TTC39A: variants seen among roughly 807,000 people sequenced by gnomAD.
The protein encoded by TTC39A is tetratricopeptide repeat protein 39A.
TTC39A carries 46 observed loss-of-function variants against 82.3 expected under a neutral mutation model. That is an observed-to-expected ratio of 0.56 (90% CI 0.44 to 0.71). The LOEUF is 0.71. Among genes scored for constraint, TTC39A ranks in the 30% least tolerant of loss-of-function variants. The pLI, the probability that TTC39A is intolerant of heterozygous loss-of-function variation, is 0.00. For missense variants in TTC39A, 543 were observed against 712.9 expected (o/e 0.76, Z 2.71); for synonymous variants, 254 against 275.2 (o/e 0.92, Z 0.76).
intron 11 of TTC39A, 91 bp downstream of exon 11, chr1:51,302,258 GTCTATCCT>G: frequency 2.9e-6 from 2 of 683,314 alleles, no homozygotes; most frequent in Admixed American, 2.5e-5. Context: ...CCCGCCCCCA[GTCTATCCT>G]GTCCCTGAGT....
chr1:51,329,095 G>A (rs2148306709), intron 1 of TTC39A, among the ~76,000 whole-genome samples: 1 of 152,342 alleles, frequency 6.6e-6, no homozygotes, highest in Non-Finnish European at 1.5e-5. Context: ...GCCTGCAGCA[G>A]GGCCAGAGGT....
At chr1:51,314,084 G>A (rs1005048533) in intron 2 of TTC39A, among the ~76,000 whole-genome samples, 1 of 152,216 alleles carries the variant, frequency 6.6e-6, no homozygotes, top group Non-Finnish European at 1.5e-5. Flanking sequence ...ACCGATGTCA[G>A]GGCTGAGCCA....
chr1:51,319,402 C>G (rs1336262477), intron 2 of TTC39A, among the ~76,000 whole-genome samples: 1 of 152,130 alleles, frequency 6.6e-6, no homozygotes, highest in Non-Finnish European at 1.5e-5. Flanking sequence ...TTAAAGAAAG[C>G]CCAGGAAAGG....
In TTC39A at chr1:51,330,114, A is replaced by C; in HGVS notation, c.41+323T>G. 3.0e-6 allele frequency: 3 copies of C among 984,376 alleles called. No homozygotes were observed. The highest frequency in any genetic ancestry group is 3.6e-6 in the Non-Finnish European group (3 of 828,936). The allele number at this position is 984,376 out of a possible 1,614,324, so 61.0% of individuals were successfully genotyped here. ...CATCTGTAATGGGGATGAGAGTAAC[A>C]GGGCCCACCCCACAGGAGTGAACGC... On this transcript the variant is annotated intron_variant, in intron 1 of 17. Transcript: ENST00000680483. This position sits in a 1 kb window ranked among gnomAD's most constrained non-coding sequence, Gnocchi z 4.5.
At chr1:51,313,495 T>A (rs1039086413) in intron 2 of TTC39A, among the ~76,000 whole-genome samples, 1 of 152,046 alleles carries the variant, frequency 6.6e-6, no homozygotes, top group African/African-American at 2.4e-5. Context: ...GGCTCCCACA[T>A]CCTAGGAGAT....
At chr1:51,341,178 C>T (rs373722219) in intron 1 of TTC39A, among the ~76,000 whole-genome samples, 2 of 114,234 alleles carry the variant, frequency 1.8e-5, no homozygotes, top group African/African-American at 7.0e-5. Flanking sequence ...AAATAAACCG[C>T]CCCCCCACCC....
intron 1 of TTC39A, chr1:51,343,197 G>A (rs879553397): frequency 2.8e-5 from 11 of 388,802 alleles, no homozygotes; most frequent in Non-Finnish European, 4.9e-5. Flanking sequence ...CTGGGAACAT[G>A]GGGACAAATG....
chr1:51,292,545 C>T (rs991117023), intron 14 of TTC39A, among the ~76,000 whole-genome samples: 4 of 152,180 alleles, frequency 2.6e-5, no homozygotes, highest in Non-Finnish European at 5.9e-5. Flanking sequence ...ATCCTCCCAC[C>T]TCAGCCTCCC....
In TTC39A at chr1:51,288,296, G is replaced by A. The variant is rs561904361; in HGVS notation, c.1611-16C>T. ...GTAGTTTTGCCTGGAATTGAGCAGC[G>A]AATCAGACACATGAGGCTGCCTGCT... is the stretch of plus-strand genomic sequence containing the variant. On this transcript the variant is annotated splice_polypyrimidine_tract_variant and intron_variant, in intron 17 of 17. Transcript: ENST00000680483. The surrounding 1 kb of genome is among the most constrained non-coding windows in gnomAD (Gnocchi z 4.8). 7.4e-6 allele frequency: 12 copies of A among 1,613,806 alleles called. No individual in the cohort carries two copies. Among genetic ancestry groups the A allele is most frequent in the South Asian group, 2.2e-5 (2 of 91,026 alleles).
intron 1 of TTC39A, chr1:51,343,009 G>A (rs576897859): frequency 1.7e-4 from 78 of 455,982 alleles, no homozygotes; most frequent in Non-Finnish European, 3.0e-4. Context: ...ATACATACAC[G>A]GGAGACCCCG....
At chr1:51,322,986 C>A (rs1319319362) in intron 1 of TTC39A, among the ~76,000 whole-genome samples, 1 of 152,162 alleles carries the variant, frequency 6.6e-6, no homozygotes, top group East Asian at 1.9e-4. Flanking sequence ...AATCTGTTCT[C>A]CCCCAGTCTT....
intron 14 of TTC39A, among the ~76,000 whole-genome samples, chr1:51,291,628 CAAAAAAAAA>C (rs58825279): frequency 2.8e-4 from 14 of 49,960 alleles, no homozygotes; most frequent in African/African-American, 6.3e-4. Flanking sequence ...CCATCTCCAC[CAAAAAAAAA>C]AAAAAAAAAA....
In TTC39A at chr1:51,288,162, A is replaced by G; in HGVS notation, c.1729T>C (p.Leu577=). 1 of 1,614,044 alleles carries G rather than the reference A, an allele frequency of 6.2e-7. No homozygotes were observed. The highest frequency in any genetic ancestry group is 1.1e-5 in the South Asian group (1 of 91,084). ...SSRSMVSSVS[L] Reference sequence around the variant, plus strand: ...CCCGGAACTGCTGCACAAAGCTACAAGGACACTGATGAGACCATGGATCTG... The same window carrying G: ...CCCGGAACTGCTGCACAAAGCTACAGGGACACTGATGAGACCATGGATCTG... Residue 577 remains leucine (L), a synonymous_variant, in exon 18 of 18, where the codon TTG becomes CTG. Transcript: ENST00000680483. The surrounding 1 kb of genome is among the most constrained non-coding windows in gnomAD (Gnocchi z 4.8).
Position 51,321,643 on chromosome 1 carries a change from G to A in TTC39A, c.146+78C>T, listed in dbSNP as rs1645522561. ...AAGCCAAAGGCATTTAGTTACACAG[G>A]GTTCCTCTCATACAAGACCTCTGGT... On this transcript the variant is annotated intron_variant, in intron 2 of 17. Coordinates refer to ENST00000680483, the MANE Select transcript of TTC39A (RefSeq NM_001297663.2). The surrounding 1 kb of genome is among the most constrained non-coding windows in gnomAD (Gnocchi z 4.6). 8.9e-6 allele frequency: 12 copies of A among 1,353,136 alleles called. No homozygotes were observed. In the South Asian group the frequency reaches 1.5e-4, roughly 17 times the overall value. 83.8% of individuals were successfully genotyped at this position (1,353,136 alleles called of 1,614,324 possible).
In TTC39A at chr1:51,313,281, G is replaced by C. The variant is rs951279946; in HGVS notation, c.147-338C>G. Among the ~76,000 whole-genome samples, 6 of 151,990 alleles carry C rather than the reference G, an allele frequency of 3.9e-5. No homozygotes were observed. The South Asian group carries it at 6.2e-4, about 16-fold the overall frequency. On this transcript the variant is annotated intron_variant, in intron 2 of 17. Coordinates refer to ENST00000680483, the MANE Select transcript of TTC39A (RefSeq NM_001297663.2). ...TGTCGGCCAGAGGCTGCCCTTCCCTGCACCCAGTGCCACCCTCTTGCCTTC... is the reference window on the plus strand; with the variant it reads ...TGTCGGCCAGAGGCTGCCCTTCCCTCCACCCAGTGCCACCCTCTTGCCTTC...
chr1:51,312,982 G>A (rs751479968), intron 2 of TTC39A, 39 bp from the exon 3 acceptor site: 41 of 1,596,816 alleles, frequency 2.6e-5, no homozygotes, highest in Middle Eastern at 3.3e-4. Context: ...CCACCTTATA[G>A]AGCCCCAGAG....
At chr1:51,309,541 T>C (rs1645005913) in intron 5 of TTC39A, 3 of 1,192,884 alleles carry the variant, frequency 2.5e-6, no homozygotes, top group African/African-American at 3.2e-5. Flanking sequence ...ACATACTCTG[T>C]GCTTGGAGAG....
intron 6 of TTC39A, among the ~76,000 whole-genome samples, chr1:51,306,377 A>G (rs1199577981): frequency 6.6e-6 from 1 of 152,124 alleles, no homozygotes; most frequent in East Asian, 1.9e-4. Flanking sequence ...CGCTACTGAC[A>G]TTTTGGGCTG....
chr1:51,311,163 G>T, intron 5 of TTC39A, 91 bp downstream of exon 5: 1 of 1,245,932 alleles, frequency 8.0e-7, no homozygotes, highest in Non-Finnish European at 1.1e-6. Context: ...ATGGGGGATG[G>T]GTCACAGTTG....
Sources: allele counts gnomAD v4.1 joint callset (sites outside exome capture counted in the v4.1 genomes callset), GRCh38; gene constraint gnomAD v4.1.1; non-coding constraint Gnocchi (gnomAD v3.1); transcripts MANE v1.5; gene names NCBI Gene and HGNC (gene_info 2026-07-23, HGNC 2026-07-21).